Variants in PPP1CB observed in about 807,000 individuals in gnomAD.
The protein encoded by PPP1CB is serine/threonine-protein phosphatase PP1-beta catalytic subunit.
A neutral mutation model predicts 43.7 loss-of-function variants in PPP1CB; 2 were observed. That is an observed-to-expected ratio of 0.05 (90% CI 0.02 to 0.14). The LOEUF (loss-of-function observed/expected upper bound fraction) is 0.14, where lower values mean the gene tolerates loss of function less well. PPP1CB is among the 10% of genes least tolerant of loss of function. PPP1CB has a pLI of 1.00. For synonymous variants in PPP1CB, 136 were observed against 135.6 expected, an observed-to-expected ratio of 1.00 and a Z score of -0.02; for missense variants, 84 against 398.0, an observed-to-expected ratio of 0.21 and a Z score of 6.71.
Position 28,776,988 on chromosome 2 carries a change from T to C in PPP1CB, c.184+6T>C. ...AGCACCGCTGAAAATTTGTGGTATG[T>C]AAATGGGTAAAGTTGGAAACAACTC... On this transcript the variant is annotated splice_donor_region_variant and intron_variant, in intron 2 of 7. Transcript: ENST00000395366. The C allele has an allele frequency of 6.2e-7, 1 of 1,612,480 alleles. No individual in the cohort carries two copies. The highest frequency in any genetic ancestry group is 1.7e-5 in the Admixed American group (1 of 59,976).
At chr2:28,780,214 G>T (rs1035383382) in intron 3 of PPP1CB, among the ~76,000 whole-genome samples, 1 of 149,948 alleles carries the variant, frequency 6.7e-6, no homozygotes, top group African/African-American at 2.4e-5. Context: ...TCAGCCTCCC[G>T]ATTAGCTGGG....
chr2:28,785,411 G>A (rs948214226), intron 5 of PPP1CB, among the ~76,000 whole-genome samples: 2 of 151,976 alleles, frequency 1.3e-5, no homozygotes, highest in Non-Finnish European at 1.5e-5. Flanking sequence ...GACTTGTTGT[G>A]TTGATTATTT....
At chr2:28,785,222 C>T (rs1667241555) in intron 5 of PPP1CB, among the ~76,000 whole-genome samples, 1 of 150,938 alleles carries the variant, frequency 6.6e-6, no homozygotes, top group Non-Finnish European at 1.5e-5. Context: ...CTACAGGCGC[C>T]CGCCACCACA....
chr2:28,761,587 A>C (rs964842916), intron 1 of PPP1CB, among the ~76,000 whole-genome samples: 2 of 152,196 alleles, frequency 1.3e-5, no homozygotes, highest in Non-Finnish European at 2.9e-5. Flanking sequence ...GAGTCCTGGA[A>C]CTTCCCCATA....
At position 28,799,348 on chromosome 2, in the gene PPP1CB, A is replaced by G. The variant is rs1377943843; in HGVS notation, c.*45A>G. The G allele has an allele frequency of 6.9e-7, 1 of 1,443,960 alleles. No homozygotes were observed. Among genetic ancestry groups the G allele is most frequent in the Non-Finnish European group, 9.7e-7 (1 of 1,027,796 alleles). 89.4% of individuals were successfully genotyped at this position (1,443,960 alleles called of 1,614,324 possible). On this transcript the variant is annotated 3_prime_UTR_variant, in exon 8 of 8. Transcript: ENST00000395366. ...AAACCATCAGATTTGTTAAGGACAT[A>G]CTTCATAATATATAAGTGTGCACTG...
intron 1 of PPP1CB, among the ~76,000 whole-genome samples, chr2:28,761,914 A>G (rs1666664901): frequency 6.6e-6 from 1 of 152,202 alleles, no homozygotes; most frequent in Non-Finnish European, 1.5e-5. Flanking sequence ...ATATATGTAA[A>G]GAATTGAAAA....
chr2:28,776,788 CT>C, intron 1 of PPP1CB, 62 bp from the exon 2 acceptor site: 2 of 1,512,222 alleles, frequency 1.3e-6, no homozygotes, highest in African/African-American at 2.8e-5. Context: ...GGGCATGACT[CT>C]TTTTGAAAGA....
chr2:28,752,570 TCA>T (rs1666341940), intron 1 of PPP1CB, among the ~76,000 whole-genome samples: 1 of 152,202 alleles, frequency 6.6e-6, no homozygotes, highest in Non-Finnish European at 1.5e-5. Context: ...GTCCGTGGAA[TCA>T]CTGTTCTTCT....
chr2:28,760,322 G>A (rs892026059), intron 1 of PPP1CB, among the ~76,000 whole-genome samples: 5 of 152,090 alleles, frequency 3.3e-5, no homozygotes, highest in African/African-American at 1.2e-4. Flanking sequence ...TGTTAAGTAA[G>A]CAAAGGTTAA....
intron 7 of PPP1CB, among the ~76,000 whole-genome samples, chr2:28,794,424 C>G (rs774730736): frequency 6.6e-6 from 1 of 152,168 alleles, no homozygotes; most frequent in Non-Finnish European, 1.5e-5. Flanking sequence ...GGCACGGTGG[C>G]TCACTCCTGT....
chr2:28,787,704 G>A (rs758175577), intron 5 of PPP1CB, among the ~76,000 whole-genome samples: 3 of 151,970 alleles, frequency 2.0e-5, no homozygotes, highest in Non-Finnish European at 4.4e-5. Context: ...TTCCCCTTTC[G>A]GGATACGTTT....
In PPP1CB at chr2:28,800,870, C is replaced by T. The variant is rs898674835; in HGVS notation, c.*1567C>T. 1 of 152,510 alleles carries T rather than the reference C, an allele frequency of 6.6e-6. No homozygotes were observed. The highest frequency in any genetic ancestry group is 2.4e-5 in the African/African-American group (1 of 41,446). The allele number at this position is 152,510 out of a possible 1,614,324, so 9.4% of individuals were successfully genotyped here. On this transcript the variant is annotated 3_prime_UTR_variant, in exon 8 of 8. Transcript: ENST00000395366. ...AATGTTAAATTGAGAAACCTGTTAA[C>T]TTACATTTTATGAATTGGCACATTG...
chr2:28,800,939 A>ATG lies in PPP1CB; in HGVS notation c.*1636_*1637insTG, dbSNP rs1395025823. On this transcript the variant is annotated 3_prime_UTR_variant, in exon 8 of 8. Transcript: ENST00000395366. ...ATATTTCATTTTCAGCACAGTGCAA[A>ATG]AGTTCTTTAAAATGCATATGTCTTT... The ATG allele has an allele frequency of 6.6e-6, 1 of 152,542 alleles. No individual in the cohort carries two copies. Among genetic ancestry groups the ATG allele is most frequent in the African/African-American group, 2.4e-5 (1 of 41,454 alleles). 9.4% of individuals were successfully genotyped at this position (152,542 alleles called of 1,614,324 possible). A position where few individuals can be genotyped will look rare whatever the true frequency, so the allele number is the denominator to read the frequency against.
chr2:28,774,251 A>G (rs1417584476), intron 1 of PPP1CB, among the ~76,000 whole-genome samples: 9 of 152,232 alleles, frequency 5.9e-5, no homozygotes, highest in Admixed American at 5.9e-4. Flanking sequence ...TTAGTAGTCA[A>G]GTTACAACTA....
intron 5 of PPP1CB, among the ~76,000 whole-genome samples, chr2:28,787,978 C>A (rs1018667465): frequency 3.3e-5 from 5 of 151,862 alleles, no homozygotes; most frequent in Non-Finnish European, 7.4e-5. Context: ...TGATTTTGTT[C>A]TTCCACATTT....
At chr2:28,763,564 A>G (rs1388282409) in intron 1 of PPP1CB, among the ~76,000 whole-genome samples, 1 of 152,164 alleles carries the variant, frequency 6.6e-6, no homozygotes, top group Non-Finnish European at 1.5e-5. Flanking sequence ...TGTACCTGAA[A>G]TGACTTTTTA....
At chr2:28,789,174 T>G (rs146542871) in intron 6 of PPP1CB, among the ~76,000 whole-genome samples, 30 of 152,178 alleles carry the variant, frequency 2.0e-4, no homozygotes, top group East Asian at 1.5e-3. Flanking sequence ...AATCTAGTGA[T>G]TTGTTAACCT....
chr2:28,765,284 A>C (rs1400674925), intron 1 of PPP1CB, among the ~76,000 whole-genome samples: 1 of 152,202 alleles, frequency 6.6e-6, no homozygotes, highest in Non-Finnish European at 1.5e-5. Context: ...TCATCTCTTG[A>C]TGCTGATCTG....
rs921873576 is a variant in PPP1CB at position 28,802,301 on chromosome 2, A to T, written c.*2998A>T. The stretch of plus-strand genomic sequence containing the variant: ...GTCTCCATGGCAACCATAACTTTTG[A>T]ACCAAAAAAAATTGTTTTTACATCT... On this transcript the variant is annotated 3_prime_UTR_variant, in exon 8 of 8. Transcript: ENST00000395366. 1.3e-5 allele frequency: 2 copies of T among 152,206 alleles called. No individual in the cohort carries two copies. Among genetic ancestry groups the T allele is most frequent in the South Asian group, 4.1e-4 (2 of 4,836 alleles). 9.4% of individuals were successfully genotyped at this position (152,206 alleles called of 1,614,324 possible).
Sources: gnomAD v4.1 joint callset for allele counts (sites outside exome capture counted in the v4.1 genomes callset) on GRCh38, gnomAD v4.1.1 for gene constraint, MANE v1.5 for transcripts, NCBI Gene and HGNC (gene_info 2026-07-23, HGNC 2026-07-21) for gene names.